The following ABHD16A variants were observed in gnomAD, a reference collection of about 807,000 sequenced individuals.
ABHD16A encodes the protein phosphatidylserine lipase ABHD16A.
A neutral mutation model predicts 89.8 loss-of-function variants in ABHD16A; 47 were observed. The ratio of observed to expected loss-of-function variants is 0.52; its 90% CI spans 0.41 to 0.67. ABHD16A has a LOEUF of 0.67. Among genes scored for constraint, ABHD16A ranks in the 30% least tolerant of loss-of-function variants. ABHD16A has a pLI of 0.00. For missense variants in ABHD16A, 580 were observed against 734.6 expected (o/e 0.79, Z 2.43); for synonymous variants, 251 against 280.4 (o/e 0.90, Z 1.05).
At chr6:31,691,319 G>T (rs1272121288) in intron 9 of ABHD16A, 1 of 464,972 alleles carries the variant, frequency 2.2e-6, no homozygotes, top group Non-Finnish European at 3.9e-6. Context: ...ATATATATGA[G>T]AATTAAATAT....
At chr6:31,701,852 G>T (rs966636598) in intron 2 of ABHD16A, among the ~76,000 whole-genome samples, 4 of 152,164 alleles carry the variant, frequency 2.6e-5, no homozygotes, top group African/African-American at 9.7e-5. Flanking sequence ...TTTTCCTTAC[G>T]GCTCAGGTTG....
chr6:31,692,866 T>C (rs1804027273), intron 7 of ABHD16A, 161 bp downstream of exon 7: 2 of 964,210 alleles, frequency 2.1e-6, no homozygotes, highest in South Asian at 1.6e-5. Flanking sequence ...TCTTCAAACA[T>C]AAATATGGAT....
At chr6:31,702,184 C>G (rs1046110457) in intron 1 of ABHD16A, 54 bp from the exon 2 acceptor site, 1 of 1,570,322 alleles carries the variant, frequency 6.4e-7, no homozygotes, top group Non-Finnish European at 8.8e-7. Context: ...GGTCCTTTCC[C>G]TTCCCTTTCA....
In ABHD16A at chr6:31,689,944, A is replaced by T. The variant is rs1803708331; in HGVS notation, c.957+134T>A. On this transcript the variant is annotated intron_variant, in intron 11 of 19. Transcript: ENST00000395952. ...CATGGCTCCCAATGCTGCCTTCACAACCTCCTAGACCCCAGCCCTCAGGTG... is the reference window on the plus strand; with the variant it reads ...CATGGCTCCCAATGCTGCCTTCACATCCTCCTAGACCCCAGCCCTCAGGTG... 2.5e-6 allele frequency: 3 copies of T among 1,194,490 alleles called. No individual in the cohort carries two copies. The African/African-American group carries it at 4.7e-5, about 19-fold the overall frequency. 74.0% of individuals were successfully genotyped at this position (1,194,490 alleles called of 1,614,324 possible).
intron 3 of ABHD16A, 55 bp downstream of exon 3, chr6:31,701,219 C>T (rs1804953179): frequency 6.5e-7 from 1 of 1,539,086 alleles, no homozygotes; most frequent in South Asian, 1.1e-5. Context: ...GGAGCTGGCT[C>T]ATCTGCCAAC....
chr6:31,701,259 T>G lies in ABHD16A; in HGVS notation c.256+15A>C, dbSNP rs991464299. On this transcript the variant is annotated intron_variant, in intron 3 of 19. Transcript: ENST00000395952. Reference sequence around the variant, plus strand: ...TGCCCATTTGCTACCCCACCACCTTTGAAACCACACTGACCTTTCCTGTAC... The same window carrying G: ...TGCCCATTTGCTACCCCACCACCTTGGAAACCACACTGACCTTTCCTGTAC... 12 of 1,610,066 alleles carry G rather than the reference T, an allele frequency of 7.5e-6. No homozygotes were observed. The highest frequency in any genetic ancestry group is 1.7e-4 in the Middle Eastern group (1 of 6,056).
intron 4 of ABHD16A, among the ~76,000 whole-genome samples, chr6:31,697,840 C>CAGACA (rs1804546750): frequency 6.6e-6 from 1 of 152,170 alleles, no homozygotes; most frequent in African/African-American, 2.4e-5. Context: ...GTACTACACA[C>CAGACA]GGGAGACTCA....
intron 2 of ABHD16A, 52 bp from the exon 3 acceptor site, chr6:31,701,392 T>A: frequency 8.1e-7 from 1 of 1,232,430 alleles, no homozygotes; most frequent in Non-Finnish European, 1.2e-6. Flanking sequence ...CACACACACC[T>A]GCCATTCCAG....
rs1365510728 is a variant in ABHD16A at position 31,697,005 on chromosome 6, G to A, written c.372C>T (p.Tyr124=). 1.2e-6 allele frequency: 2 copies of A among 1,613,094 alleles called. No individual in the cohort carries two copies. Among genetic ancestry groups the A allele is most frequent in the South Asian group, 2.2e-5 (2 of 91,086 alleles). ...CTTCCAAGATGGTGATGAACTGCCG[G>A]TACTGGGGGTTGGTCCAGCGGCCAA... ...RGIGRWTNPQ[Y]RQFITILEAT... Residue 124 remains tyrosine, a synonymous_variant, in exon 5 of 20, where the codon TAC becomes TAT. Coordinates refer to ENST00000395952, the MANE Select transcript of ABHD16A (RefSeq NM_021160.3).
Position 31,690,696 on chromosome 6 carries a change from G to A in ABHD16A, c.844-94C>T. ...AGGGCAGCCCATGAAGAGCTTTGCAGGGAAGAGGAAAGGGCAGGTTTCTGT... is the reference window on the plus strand; with the variant it reads ...AGGGCAGCCCATGAAGAGCTTTGCAAGGAAGAGGAAAGGGCAGGTTTCTGT... On this transcript the variant is annotated intron_variant, in intron 9 of 19. Coordinates refer to ENST00000395952, the MANE Select transcript of ABHD16A (RefSeq NM_021160.3). The surrounding 1 kb of genome is among the most constrained non-coding windows in gnomAD (Gnocchi z 4.1). The A allele has an allele frequency of 8.7e-7, 1 of 1,154,244 alleles. No individual in the cohort carries two copies. The highest frequency in any genetic ancestry group is 1.3e-6 in the Non-Finnish European group (1 of 767,110). 71.5% of individuals were successfully genotyped at this position (1,154,244 alleles called of 1,614,324 possible). A position where few individuals can be genotyped will look rare whatever the true frequency, so the allele number is the denominator to read the frequency against.
In ABHD16A at chr6:31,687,908, G is replaced by A; in HGVS notation, c.1371-8C>T. ...GCCATCACCCGGGGATACCTACGGA[G>A]GAAGTGCCAGGACAGGTCAGGGCTG... On this transcript the variant is annotated splice_polypyrimidine_tract_variant and splice_region_variant and intron_variant, in intron 16 of 19. Transcript: ENST00000395952. This position sits in a 1 kb window ranked among gnomAD's most constrained non-coding sequence, Gnocchi z 6.3. The A allele has an allele frequency of 6.2e-7, 1 of 1,612,796 alleles. No homozygotes were observed. Among genetic ancestry groups the A allele is most frequent in the Non-Finnish European group, 8.5e-7 (1 of 1,180,032 alleles).
chr6:31,702,841 C>G, intron 1 of ABHD16A: 2 of 1,391,616 alleles, frequency 1.4e-6, no homozygotes, highest in Non-Finnish European at 1.9e-6. Context: ...CGCGCAGGGT[C>G]TCTTCCCGGG....
Position 31,688,166 on chromosome 6 carries a change from A to G in ABHD16A, c.1308-63T>C. 1.9e-6 allele frequency: 3 copies of G among 1,605,520 alleles called. No homozygotes were observed. Among genetic ancestry groups the G allele is most frequent in the Non-Finnish European group, 2.6e-6 (3 of 1,173,640 alleles). On this transcript the variant is annotated intron_variant, in intron 15 of 19. Transcript: ENST00000395952. The surrounding 1 kb of genome is among the most constrained non-coding windows in gnomAD (Gnocchi z 4.9). ...GTTAGGAGGAAGGGTCTAGATACCCAGGTTTCTGGTGGGCAGAGGTAGAAG... is the reference window on the plus strand; with the variant it reads ...GTTAGGAGGAAGGGTCTAGATACCCGGGTTTCTGGTGGGCAGAGGTAGAAG...
In ABHD16A at chr6:31,687,376, T is replaced by C. The variant is rs1489841855; in HGVS notation, c.1594-81A>G. ...ACTGGACTCCCTCCCCACCCTCCAC[T>C]TCCGCATCCACCACCCACTCTACAA... On this transcript the variant is annotated intron_variant, in intron 19 of 19. Coordinates refer to ENST00000395952, the MANE Select transcript of ABHD16A (RefSeq NM_021160.3). This position sits in a 1 kb window ranked among gnomAD's most constrained non-coding sequence, Gnocchi z 6.3. 9 of 1,591,716 alleles carry C rather than the reference T, an allele frequency of 5.7e-6. No individual in the cohort carries two copies. Among genetic ancestry groups the C allele is most frequent in the Admixed American group, 3.3e-5 (2 of 59,928 alleles).
At position 31,689,135 on chromosome 6, in the gene ABHD16A, G is replaced by A. The variant is rs1213749667; in HGVS notation, c.1082-16C>T. The A allele has an allele frequency of 1.9e-6, 3 of 1,608,746 alleles. No homozygotes were observed. Among genetic ancestry groups the A allele is most frequent in the Non-Finnish European group, 2.6e-6 (3 of 1,176,464 alleles). ...GCCCACGTGGCTGGTACCAGGGCAG[G>A]GAAGAAGAGTAAGAACTGAGAAAGG... On this transcript the variant is annotated splice_polypyrimidine_tract_variant and intron_variant, in intron 12 of 19. Coordinates refer to ENST00000395952, the MANE Select transcript of ABHD16A (RefSeq NM_021160.3).
At chr6:31,695,810 C>T (rs985349017) in intron 5 of ABHD16A, among the ~76,000 whole-genome samples, 13 of 152,266 alleles carry the variant, frequency 8.5e-5, no homozygotes, top group Admixed American at 5.9e-4. Context: ...GCAGGCAGAT[C>T]GTCTGCAGTC....
chr6:31,695,101 T>C (rs895968338), intron 5 of ABHD16A, among the ~76,000 whole-genome samples: 24 of 152,252 alleles, frequency 1.6e-4, no homozygotes, highest in African/African-American at 5.5e-4. Context: ...CGCAGCTCCA[T>C]AGTGTGGAGT....
Position 31,694,387 on chromosome 6 carries a change from C to CTTTT in ABHD16A, c.430-959_430-956dup, listed in dbSNP as rs1190272819. On this transcript the variant is annotated intron_variant, in intron 5 of 19. Coordinates refer to ENST00000395952, the MANE Select transcript of ABHD16A (RefSeq NM_021160.3). ...TTTTTGACGGCAGTGGGAGCTGTGT[C>CTTTT]TTTTTTTTTTTTTTTTTTTTTGAGA... Among the ~76,000 whole-genome samples, 26 of 77,706 alleles carry CTTTT rather than the reference C, an allele frequency of 3.3e-4. 2 individuals carry two copies. Among genetic ancestry groups the CTTTT allele is most frequent in the South Asian group, 1.1e-3 (2 of 1,898 alleles). 51.0% of individuals were successfully genotyped at this position (77,706 alleles called of 152,430 possible).
At chr6:31,700,433 A>G (rs751010378) in intron 4 of ABHD16A, among the ~76,000 whole-genome samples, 46 of 152,286 alleles carry the variant, frequency 3.0e-4, no homozygotes, top group Admixed American at 1.0e-3. Context: ...CACACAGAAC[A>G]TATTTTATCC....
Sources: allele counts gnomAD v4.1 joint callset (sites outside exome capture counted in the v4.1 genomes callset), GRCh38; gene constraint gnomAD v4.1.1; non-coding constraint Gnocchi (gnomAD v3.1); transcripts MANE v1.5; gene names NCBI Gene and HGNC (gene_info 2026-07-23, HGNC 2026-07-21).